The following AKNA variants were observed in gnomAD, a reference collection of about 807,000 sequenced individuals.
AKNA encodes the protein microtubule organization protein AKNA.
A neutral mutation model predicts 138.8 loss-of-function variants in AKNA; 67 were observed. The ratio of observed to expected loss-of-function variants is 0.48; its 90% CI spans 0.40 to 0.59. The LOEUF (loss-of-function observed/expected upper bound fraction) is 0.59, where lower values mean the gene tolerates loss of function less well. Among genes scored for constraint, AKNA ranks in the 20% least tolerant of loss-of-function variants. AKNA has a pLI of 0.00. For synonymous variants in AKNA, 737 were observed against 754.4 expected, an observed-to-expected ratio of 0.98 and a Z score of 0.38; for missense variants, 1,813 against 1,880.4, an observed-to-expected ratio of 0.96 and a Z score of 0.66.
At chr9:114,357,026 G>A (rs1184238276) in intron 12 of AKNA, 57 bp from the exon 13 acceptor site, 1 of 1,494,282 alleles carries the variant, frequency 6.7e-7, no homozygotes, top group Non-Finnish European at 9.0e-7. Flanking sequence ...ACACTGGGAA[G>A]CCCTTCCCAA....
Position 114,350,927 on chromosome 9 carries a change from G to T in AKNA, c.3153C>A (p.Ala1051=). The T allele has an allele frequency of 6.2e-7, 1 of 1,611,278 alleles. No individual in the cohort carries two copies. The highest frequency in any genetic ancestry group is 1.8e-4 in the Middle Eastern group (1 of 5,582). ...TTGGTCCACAGGGTAGAGGCGCAGC[G>T]GCAGGGGCGGGGGCTGGGGGTGGGC... ...TISPPPAPAP[A]AAPLPCGPTE... Residue 1051 remains alanine, a synonymous_variant, in exon 15 of 22, where the codon GCC becomes GCA. Transcript: ENST00000374088.
chr9:114,333,287 T>G (rs1829892305), downstream of AKNA: 5 of 1,265,348 alleles, frequency 4.0e-6, no homozygotes, highest in Non-Finnish European at 5.5e-6. Context: ...TCATTCATTC[T>G]GAAGCCTGCC....
rs116242349 is a variant in AKNA, at chr9:114,353,807, C to T, written c.3058+2118G>A. ...GTGTATCTAAACATAGAAAACAGAC[C>T]ATAAAAATATGGTATAAAAGATTTT... On this transcript the variant is annotated intron_variant, in intron 14 of 21. Transcript: ENST00000374088. Among the ~76,000 whole-genome samples, 117 of 152,186 alleles carry T rather than the reference C, an allele frequency of 7.7e-4. 1 individual carries two copies. Among genetic ancestry groups the T allele is most frequent in the African/African-American group, 2.8e-3 (115 of 41,506 alleles).
intron 21 of AKNA, among the ~76,000 whole-genome samples, chr9:114,338,288 C>T (rs1486238036): frequency 6.6e-6 from 1 of 152,232 alleles, no homozygotes; most frequent in Non-Finnish European, 1.5e-5. Context: ...ACAATACGTA[C>T]ATGAAAAGAT....
rs78327144 is a variant in AKNA at position 114,335,832 on chromosome 9, G to A, written c.*1222C>T. ...AAAAAAGAAAGAAAGGAGCACTGGA[G>A]AGTCCAGGTGCATACTCTTGTAGAC... is the stretch of plus-strand genomic sequence containing the variant. On this transcript the variant is annotated 3_prime_UTR_variant, in exon 22 of 22. Transcript: ENST00000374088. The A allele has an allele frequency of 6.6e-6, 1 of 151,720 alleles. No homozygotes were observed. Among genetic ancestry groups the A allele is most frequent in the African/African-American group, 2.4e-5 (1 of 41,358 alleles). 9.4% of individuals were successfully genotyped at this position (151,720 alleles called of 1,614,324 possible).
chr9:114,360,302 C>A (rs1048247299), intron 9 of AKNA, among the ~76,000 whole-genome samples: 4 of 152,152 alleles, frequency 2.6e-5, no homozygotes, highest in African/African-American at 9.7e-5. Flanking sequence ...TACCATGTCA[C>A]AACAATCCCA....
intron 4 of AKNA, among the ~76,000 whole-genome samples, chr9:114,371,183 A>T (rs1398257497): frequency 1.3e-5 from 2 of 152,158 alleles, no homozygotes; most frequent in Non-Finnish European, 2.9e-5. Context: ...CTCCAGACCC[A>T]TCGGTGTTCC....
At chr9:114,389,605 C>T (rs115053437), upstream of AKNA, among the ~76,000 whole-genome samples, 1 of 151,876 alleles carries the variant, frequency 6.6e-6, no homozygotes, top group Non-Finnish European at 1.5e-5. Context: ...TGATGCCTAC[C>T]AAGGGTAGAG....
upstream of AKNA, among the ~76,000 whole-genome samples, chr9:114,397,905 C>G (rs997793337): frequency 6.6e-6 from 1 of 152,188 alleles, no homozygotes; most frequent in South Asian, 2.1e-4. Flanking sequence ...GTCCGGGAAG[C>G]GCGCGCGGCT....
chr9:114,331,692 C>T, downstream of AKNA: 2 of 1,604,574 alleles, frequency 1.2e-6, no homozygotes. Flanking sequence ...TGCTTAGCAG[C>T]CCCAAACTCA....
At position 114,347,798 on chromosome 9, in the gene AKNA, A is replaced by C. The variant is rs1187005638; in HGVS notation, c.3324T>G (p.Ser1108=). 1 of 1,550,480 alleles carries C rather than the reference A, an allele frequency of 6.4e-7. No homozygotes were observed. ...PLQGSPTRPA[S]AFDRPARTRG... is the part of the protein sequence containing the mutation. ...GGGTCCGGGCGGGGCGGTCAAAGGCAGATGCTGGGCGTGTCGGGCTGCCCT... is the reference window on the plus strand; with the variant it reads ...GGGTCCGGGCGGGGCGGTCAAAGGCCGATGCTGGGCGTGTCGGGCTGCCCT... Residue 1108 remains serine (S), a synonymous_variant, in exon 16 of 22, where the codon TCT becomes TCG. Transcript: ENST00000374088.
Position 114,356,012 on chromosome 9 carries a change from C to G in AKNA, c.2971G>C (p.Ala991Pro). ...ATEPSTPRSQ[A>P]QRYLSSPSGP... ...CTTGGGCTGGAGAGGTACCTCTGTG[C>G]TTGGCTCCGGGGTGTGCTGGGCTCT... Residue 991 changes from alanine to proline, a missense_variant, in exon 14 of 22, where the codon GCA becomes CCA. By Grantham distance (27) the Ala-to-Pro change is conservative (BLOSUM62 -1). Transcript: ENST00000374088. 6.2e-7 allele frequency: 1 copy of G among 1,614,178 alleles called. No individual in the cohort carries two copies. Among genetic ancestry groups the G allele is most frequent in the South Asian group, 1.1e-5 (1 of 91,084 alleles).
chr9:114,331,499 C>T, downstream of AKNA: 1 of 1,332,042 alleles, frequency 7.5e-7, no homozygotes, highest in East Asian at 2.3e-5. Flanking sequence ...CCTAGGACTC[C>T]TCACCTGTAA....
At chr9:114,342,271 A>T in intron 19 of AKNA, 146 bp from the exon 20 acceptor site, 1 of 589,302 alleles carries the variant, frequency 1.7e-6, no homozygotes, top group Non-Finnish European at 3.0e-6. Context: ...GATGACATTG[A>T]CAACAACCAT....
chr9:114,382,586 A>AG (rs1554709379), intron 1 of AKNA, among the ~76,000 whole-genome samples: 1 of 143,744 alleles, frequency 7.0e-6, no homozygotes, highest in African/African-American at 2.9e-5. Context: ...CTGTCTCAAA[A>AG]GGAAAAAAAA....
In AKNA at chr9:114,368,373, T is replaced by G. The variant is rs1387811696; in HGVS notation, c.1573+66A>C. 6 of 1,302,518 alleles carry G rather than the reference T, an allele frequency of 4.6e-6. No homozygotes were observed. In the Admixed American group the frequency reaches 1.5e-4, roughly 33 times the overall value. The allele number at this position is 1,302,518 out of a possible 1,614,324, so 80.7% of individuals were successfully genotyped here. A position where few individuals can be genotyped will look rare whatever the true frequency, so the allele number is the denominator to read the frequency against. On this transcript the variant is annotated intron_variant, in intron 5 of 21. Coordinates refer to ENST00000374088, the MANE Select transcript of AKNA (RefSeq NM_001317950.2). ...AGCGCCATCCCCAGGGTGAACCAAG[T>G]CAGTCCCACAGAGCAGAATCCCAGG...
At chr9:114,357,554 T>C (rs1032623021) in intron 12 of AKNA, among the ~76,000 whole-genome samples, 1 of 152,044 alleles carries the variant, frequency 6.6e-6, no homozygotes, top group Admixed American at 6.6e-5. Context: ...TAAGTGCACA[T>C]GCATGCATAT....
Position 114,350,926 on chromosome 9 carries a change from C to T in AKNA, c.3154G>A (p.Ala1052Thr), listed in dbSNP as rs758629343. 2.2e-5 allele frequency: 34 copies of T among 1,542,328 alleles called. No individual in the cohort carries two copies. The highest frequency in any genetic ancestry group is 1.9e-4 in the Middle Eastern group (1 of 5,292). ...GTTGGTCCACAGGGTAGAGGCGCAG[C>T]GGCAGGGGCGGGGGCTGGGGGTGGG... is the stretch of plus-strand genomic sequence containing the variant. ...ISPPPAPAPA[A>T]APLPCGPTET... is the part of the protein sequence containing the mutation. Residue 1052 changes from alanine (A) to threonine (T), a missense_variant, in exon 15 of 22, where the codon GCT becomes ACT. Physicochemically the swap from Ala to Thr is moderately conservative, Grantham distance 58 (BLOSUM62 0). Coordinates refer to ENST00000374088, the MANE Select transcript of AKNA (RefSeq NM_001317950.2).
intron 20 of AKNA, 128 bp from the exon 21 acceptor site, chr9:114,341,853 C>A: frequency 1.5e-6 from 2 of 1,313,042 alleles, no homozygotes; most frequent in East Asian, 2.3e-5. Flanking sequence ...GACTCCATGT[C>A]GGGGAGGTCT....
Sources: gnomAD v4.1 joint callset for allele counts (sites outside exome capture counted in the v4.1 genomes callset) on GRCh38, gnomAD v4.1.1 for gene constraint, MANE v1.5 for transcripts, NCBI Gene and HGNC (gene_info 2026-07-23, HGNC 2026-07-21) for gene names.